ATP6V1H: variants seen among roughly 807,000 people sequenced by gnomAD.
ATP6V1H encodes V-type proton ATPase subunit H.
A neutral mutation model predicts 71.7 loss-of-function variants in ATP6V1H; 39 were observed. The ratio of observed to expected loss-of-function variants is 0.54; its 90% CI spans 0.42 to 0.71. The LOEUF (loss-of-function observed/expected upper bound fraction) is 0.71. ATP6V1H is among the 30% of genes least tolerant of loss of function. ATP6V1H has a pLI of 0.00. For missense variants in ATP6V1H, 509 were observed against 594.9 expected, an observed-to-expected ratio of 0.86 and a Z score of 1.50; for synonymous variants, 192 against 199.3, an observed-to-expected ratio of 0.96 and a Z score of 0.31.
At chr8:53,740,987 C>CT (rs1453382559) in intron 13 of ATP6V1H, among the ~76,000 whole-genome samples, 2 of 152,092 alleles carry the variant, frequency 1.3e-5, no homozygotes, top group African/African-American at 4.8e-5. Flanking sequence ...TGGGAAAATA[C>CT]TAAGCTTCTC....
intron 8 of ATP6V1H, among the ~76,000 whole-genome samples, chr8:53,798,931 GC>G (rs1809828507): frequency 6.6e-6 from 1 of 152,054 alleles, no homozygotes; most frequent in Non-Finnish European, 1.5e-5. Context: ...TAAGGTACTA[GC>G]CATCAGAACA....
rs180822236 is a variant in ATP6V1H at position 53,827,851 on chromosome 8, A to G, written c.306+1593T>C. Among the ~76,000 whole-genome samples the G allele has an allele frequency of 2.3e-3, 344 of 152,204 alleles. 2 individuals are homozygous for G. Among genetic ancestry groups the G allele is most frequent in the African/African-American group, 7.9e-3 (327 of 41,534 alleles). ...TCATTTAGCTCCCACTTATAATTGA[A>G]AACATGTGGTATTTGGTGTTCAGTT... On this transcript the variant is annotated intron_variant, in intron 4 of 13. Coordinates refer to ENST00000359530, the MANE Select transcript of ATP6V1H (RefSeq NM_015941.4).
Position 53,838,824 on chromosome 8 carries a change from A to G in ATP6V1H, c.113+2754T>C, listed in dbSNP as rs963391372. ...AACAAAAGCATATTGGGCTCTCGAC[A>G]CTGGGGGACGCTTCCACAGGTCTTA... On this transcript the variant is annotated intron_variant, in intron 2 of 13. Transcript: ENST00000359530. Among the ~76,000 whole-genome samples, 10 of 152,184 alleles carry G rather than the reference A, an allele frequency of 6.6e-5. No individual in the cohort carries two copies. The East Asian group carries it at 1.5e-3, about 23-fold the overall frequency.
In ATP6V1H at chr8:53,731,525, A is replaced by G. The variant is rs180693464; in HGVS notation, c.1391+12052T>C. 2.3e-3 allele frequency among the ~76,000 whole-genome samples: 346 copies of G among 152,236 alleles called. 2 individuals are homozygous for G. The highest frequency in any genetic ancestry group is 8.1e-3 in the African/African-American group (335 of 41,542). Reference sequence around the variant, plus strand: ...GTTCTGTTCTGTCTTGATTGCTGATACATGCAGCCCCAGCCACGTACCCCA... The same window carrying G: ...GTTCTGTTCTGTCTTGATTGCTGATGCATGCAGCCCCAGCCACGTACCCCA... On this transcript the variant is annotated intron_variant, in intron 13 of 13. Transcript: ENST00000359530.
At chr8:53,762,852 GCCA>G (rs961491043) in intron 11 of ATP6V1H, among the ~76,000 whole-genome samples, 7 of 152,008 alleles carry the variant, frequency 4.6e-5, no homozygotes, top group African/African-American at 1.7e-4. Flanking sequence ...ACACCCATTT[GCCA>G]CCCCTGAAAC....
At chr8:53,787,355 G>T (rs771604066) in intron 9 of ATP6V1H, among the ~76,000 whole-genome samples, 1 of 152,228 alleles carries the variant, frequency 6.6e-6, no homozygotes, top group Non-Finnish European at 1.5e-5. Context: ...CATAGCAGTG[G>T]TCAGAACAGC....
intron 4 of ATP6V1H, among the ~76,000 whole-genome samples, chr8:53,817,793 C>A (rs1585821392): frequency 6.6e-6 from 1 of 152,160 alleles, no homozygotes; most frequent in East Asian, 1.9e-4. Flanking sequence ...TCTCGGCCTG[C>A]ACCTCTGACC....
At chr8:53,784,270 G>A (rs1809285185) in intron 9 of ATP6V1H, among the ~76,000 whole-genome samples, 1 of 152,216 alleles carries the variant, frequency 6.6e-6, no homozygotes, top group Admixed American at 6.5e-5. Flanking sequence ...TCTTCTTGTT[G>A]AATTCGTCCC....
intron 4 of ATP6V1H, among the ~76,000 whole-genome samples, chr8:53,820,755 G>C (rs1810624060): frequency 6.6e-6 from 1 of 151,584 alleles, no homozygotes; most frequent in Admixed American, 6.6e-5. Flanking sequence ...GCCAAGGCTG[G>C]CAGATCACCT....
intron 9 of ATP6V1H, among the ~76,000 whole-genome samples, chr8:53,775,841 G>A (rs1390968006): frequency 6.6e-6 from 1 of 152,252 alleles, no homozygotes; most frequent in Non-Finnish European, 1.5e-5. Context: ...GCTTCACCCA[G>A]TGGGTCCCGC....
intron 4 of ATP6V1H, among the ~76,000 whole-genome samples, chr8:53,820,938 G>A (rs1202753220): frequency 6.7e-6 from 1 of 148,490 alleles, no homozygotes; most frequent in East Asian, 2.0e-4. Flanking sequence ...CCAAGACTGT[G>A]CCACTGCACT....
At chr8:53,729,478 T>A (rs1313703885) in intron 13 of ATP6V1H, among the ~76,000 whole-genome samples, 1 of 151,938 alleles carries the variant, frequency 6.6e-6, no homozygotes, top group Admixed American at 6.6e-5. Flanking sequence ...GCAGATGAAG[T>A]CTCATCTGTG....
chr8:53,822,224 G>A (rs1278985629), intron 4 of ATP6V1H, among the ~76,000 whole-genome samples: 1 of 152,096 alleles, frequency 6.6e-6, no homozygotes, highest in Non-Finnish European at 1.5e-5. Context: ...CATTCCTGAG[G>A]AACCTACTAG....
At chr8:53,721,024 G>T (rs960998217) in intron 13 of ATP6V1H, among the ~76,000 whole-genome samples, 1 of 152,042 alleles carries the variant, frequency 6.6e-6, no homozygotes, top group Non-Finnish European at 1.5e-5. Context: ...AAACAAGCTG[G>T]TATAATGTAA....
In ATP6V1H at chr8:53,812,725, A is replaced by C. The variant is rs1342771584; in HGVS notation, c.526-1508T>G. Among the ~76,000 whole-genome samples the C allele has an allele frequency of 3.3e-5, 5 of 152,316 alleles. No homozygotes were observed. The East Asian group carries it at 9.6e-4, about 29-fold the overall frequency. ...TTTTGTTTTTTGAGACAAGAGTCTCATACTGTCACTCAGGGTGGAGTGCAG... is the reference window on the plus strand; with the variant it reads ...TTTTGTTTTTTGAGACAAGAGTCTCCTACTGTCACTCAGGGTGGAGTGCAG... On this transcript the variant is annotated intron_variant, in intron 6 of 13. Coordinates refer to ENST00000359530, the MANE Select transcript of ATP6V1H (RefSeq NM_015941.4).
At chr8:53,824,919 G>A (rs1040014427) in intron 4 of ATP6V1H, among the ~76,000 whole-genome samples, 2 of 151,592 alleles carry the variant, frequency 1.3e-5, no homozygotes, top group African/African-American at 4.8e-5. Context: ...AATTCACTAA[G>A]GTACCAAAAC....
chr8:53,765,529 A>G (rs933232861), intron 11 of ATP6V1H, among the ~76,000 whole-genome samples: 4 of 150,808 alleles, frequency 2.7e-5, no homozygotes, highest in Non-Finnish European at 5.9e-5. Context: ...ACCAAAAAAA[A>G]AGAAAGAAAG....
chr8:53,833,338 T>A, intron 2 of ATP6V1H: 1 of 407,914 alleles, frequency 2.5e-6, no homozygotes, highest in South Asian at 3.7e-5. Flanking sequence ...GGGGCTGTAC[T>A]GAGGATAAAA....
intron 11 of ATP6V1H, among the ~76,000 whole-genome samples, chr8:53,767,746 G>C (rs1433379100): frequency 6.6e-6 from 1 of 152,090 alleles, no homozygotes; most frequent in Non-Finnish European, 1.5e-5. Flanking sequence ...ATAGTACTTA[G>C]GACAACAGGA....
Sources: gnomAD v4.1 joint callset for allele counts (sites outside exome capture counted in the v4.1 genomes callset) on GRCh38, gnomAD v4.1.1 for gene constraint, MANE v1.5 for transcripts, NCBI Gene and HGNC (gene_info 2026-07-23, HGNC 2026-07-21) for gene names.